The following APCDD1 variants were observed in gnomAD, a reference collection of about 807,000 sequenced individuals.
APCDD1 encodes the protein APC down-regulated 1.
APCDD1 carries 15 observed loss-of-function variants against 38.1 expected under a neutral mutation model. The observed-to-expected ratio is 0.39, with a 90% CI of 0.26 to 0.61. The LOEUF is 0.61. APCDD1 is among the 20% of genes least tolerant of loss of function. APCDD1 has a pLI of 0.49. For synonymous variants in APCDD1, 261 were observed against 279.7 expected (o/e 0.93, Z 0.67); for missense variants, 647 against 696.2 (o/e 0.93, Z 0.79).
chr18:10,482,967 G>A (rs1487251919), intron 3 of APCDD1, among the ~76,000 whole-genome samples: 1 of 152,202 alleles, frequency 6.6e-6, no homozygotes, highest in Non-Finnish European at 1.5e-5. Context: ...TGGCACATAG[G>A]GTGTCAGAAA....
chr18:10,467,043 C>T lies in APCDD1; in HGVS notation c.59-1426C>T, dbSNP rs372782486. Among the ~76,000 whole-genome samples, 13 of 152,170 alleles carry T rather than the reference C, an allele frequency of 8.5e-5. No individual in the cohort carries two copies. In the South Asian group the frequency reaches 1.0e-3, roughly 12 times the overall value. On this transcript the variant is annotated intron_variant, in intron 1 of 4. Coordinates refer to ENST00000355285, the MANE Select transcript of APCDD1 (RefSeq NM_153000.5). This position sits in a 1 kb window ranked among gnomAD's most constrained non-coding sequence, Gnocchi z 4.8. ...GAGGGAAAATCTGGGAGTTCAGATA[C>T]GGAAAATTCTGTCTTCTCAACACCA...
At position 10,454,636 on chromosome 18, in the gene APCDD1, A is replaced by C. The variant is rs2030314462; in HGVS notation, c.-346A>C. The C allele has an allele frequency of 2.8e-6, 3 of 1,068,000 alleles. No homozygotes were observed. Among genetic ancestry groups the C allele is most frequent in the Non-Finnish European group, 3.4e-6 (3 of 877,330 alleles). The allele number at this position is 1,068,000 out of a possible 1,614,324, so 66.2% of individuals were successfully genotyped here. A position where few individuals can be genotyped will look rare whatever the true frequency, so the allele number is the denominator to read the frequency against. Reference sequence around the variant, plus strand: ...CGGCCGGCGGCGCGCTGGAAATATGAAGAGACGCTGCAGCTGCGGTGGCGG... The same window carrying C: ...CGGCCGGCGGCGCGCTGGAAATATGCAGAGACGCTGCAGCTGCGGTGGCGG... On this transcript the variant is annotated 5_prime_UTR_variant, in exon 1 of 5. Transcript: ENST00000355285.
chr18:10,471,936 C>T lies in APCDD1; in HGVS notation c.649C>T (p.Gln217Ter). The T allele has an allele frequency of 6.2e-7, 1 of 1,614,112 alleles. No homozygotes were observed. Among genetic ancestry groups the T allele is most frequent in the Non-Finnish European group, 8.5e-7 (1 of 1,180,032 alleles). Residue 217 changes from glutamine (Q) to a stop codon, truncating the protein, a stop_gained, in exon 3 of 5, where the codon CAG (glutamine) becomes TAG (stop). Transcript: ENST00000355285. LOFTEE classifies it high-confidence loss of function. This position sits in a 1 kb window ranked among gnomAD's most constrained non-coding sequence, Gnocchi z 5.5. ...ACTTCAGCTCATCCGGGTGGAGAAG[C>T]AGTACCTTCACCACAACCTCGACCA... ...HELQLIRVEK[Q>*]YLHHNLDHLV...
In APCDD1 at chr18:10,488,307, G is replaced by A. The variant is rs1318199776; in HGVS notation, c.*269G>A. The A allele has an allele frequency of 4.5e-6, 2 of 447,434 alleles. No homozygotes were observed. The highest frequency in any genetic ancestry group is 7.9e-6 in the Non-Finnish European group (2 of 253,536). The allele number at this position is 447,434 out of a possible 1,614,324, so 27.7% of individuals were successfully genotyped here. On this transcript the variant is annotated 3_prime_UTR_variant, in exon 5 of 5. Coordinates refer to ENST00000355285, the MANE Select transcript of APCDD1 (RefSeq NM_153000.5). Reference sequence around the variant, plus strand: ...TAAGACAGCCTAGAGTTCTGGACGAGCGTGTTTGGTAGCAGGGATGAAAGC... The same window carrying A: ...TAAGACAGCCTAGAGTTCTGGACGAACGTGTTTGGTAGCAGGGATGAAAGC...
At chr18:10,458,376 T>A (rs879453127) in intron 1 of APCDD1, among the ~76,000 whole-genome samples, 8 of 152,368 alleles carry the variant, frequency 5.3e-5, no homozygotes, top group Non-Finnish European at 1.2e-4. Context: ...CGACATAATG[T>A]GAGGAAACGT....
chr18:10,455,086 C>T (rs773350455), intron 1 of APCDD1, 47 bp downstream of exon 1: 1 of 1,545,208 alleles, frequency 6.5e-7, no homozygotes, highest in Non-Finnish European at 8.7e-7. Flanking sequence ...GCGGAGGCAG[C>T]CCGGGCGCCG....
At position 10,460,552 on chromosome 18, in the gene APCDD1, A is replaced by G. The variant is rs185926497; in HGVS notation, c.58+5513A>G. ...TGTCTCAAAAAAAAAAAAACAAAAA[A>G]CAAACAAGCAAAAAAAACTTTATTG... On this transcript the variant is annotated intron_variant, in intron 1 of 4. Coordinates refer to ENST00000355285, the MANE Select transcript of APCDD1 (RefSeq NM_153000.5). 3.1e-3 allele frequency among the ~76,000 whole-genome samples: 466 copies of G among 151,988 alleles called. 3 individuals carry two copies. Among genetic ancestry groups the G allele is most frequent in the African/African-American group, 0.011 (438 of 41,486 alleles).
In APCDD1 at chr18:10,475,662, T is replaced by TA. The variant is rs58941388; in HGVS notation, c.774+3615dup. Among the ~76,000 whole-genome samples the TA allele has an allele frequency of 4.5e-4, 63 of 139,952 alleles. No individual in the cohort carries two copies. Among genetic ancestry groups the TA allele is most frequent in the Admixed American group, 6.4e-4 (9 of 14,032 alleles). 91.8% of individuals were successfully genotyped at this position (139,952 alleles called of 152,430 possible). A position where few individuals can be genotyped will look rare whatever the true frequency, so the allele number is the denominator to read the frequency against. ...CACAGTCATCACAGAAAATTTAGATTAAAAAAAAAAAAAAGCAAGCAAACA... is the reference window on the plus strand; with the variant it reads ...CACAGTCATCACAGAAAATTTAGATTAAAAAAAAAAAAAAAGCAAGCAAACA... On this transcript the variant is annotated intron_variant, in intron 3 of 4. Coordinates refer to ENST00000355285, the MANE Select transcript of APCDD1 (RefSeq NM_153000.5). The surrounding 1 kb of genome is among the most constrained non-coding windows in gnomAD (Gnocchi z 4.0).
At chr18:10,455,914 G>A (rs896696075) in intron 1 of APCDD1, among the ~76,000 whole-genome samples, 1 of 152,144 alleles carries the variant, frequency 6.6e-6, no homozygotes, top group Non-Finnish European at 1.5e-5. Flanking sequence ...TGGATGTCCT[G>A]AGCAAACTGT....
rs564483664 is a variant in APCDD1 at position 10,459,153 on chromosome 18, C to G, written c.58+4114C>G. On this transcript the variant is annotated intron_variant, in intron 1 of 4. Coordinates refer to ENST00000355285, the MANE Select transcript of APCDD1 (RefSeq NM_153000.5). ...CTATGTGCCAAGTGCCACCACTTGC[C>G]AGGTCCACTGGCCGAAAGGTAGCAT... 3.3e-5 allele frequency among the ~76,000 whole-genome samples: 5 copies of G among 152,328 alleles called. No homozygotes were observed. The South Asian group carries it at 1.0e-3, about 32-fold the overall frequency.
rs1483127226 is a variant in APCDD1, at chr18:10,488,954, A to AT, written c.*918dup. 6.6e-6 allele frequency: 1 copy of AT among 152,226 alleles called. No homozygotes were observed. The highest frequency in any genetic ancestry group is 1.5e-5 in the Non-Finnish European group (1 of 68,074). The allele number at this position is 152,226 out of a possible 1,614,324, so 9.4% of individuals were successfully genotyped here. A position where few individuals can be genotyped will look rare whatever the true frequency, so the allele number is the denominator to read the frequency against. On this transcript the variant is annotated 3_prime_UTR_variant, in exon 5 of 5. Transcript: ENST00000355285. Reference sequence around the variant, plus strand: ...GACCTGAGCCCTGACTCACTGTCTTATTAGGGGCAGGCGGAAGAAGCTGCA... The same window carrying AT: ...GACCTGAGCCCTGACTCACTGTCTTATTTAGGGGCAGGCGGAAGAAGCTGCA...
rs542967107 is a variant in APCDD1 at position 10,484,949 on chromosome 18, G to A, written c.775-513G>A. On this transcript the variant is annotated intron_variant, in intron 3 of 4. Coordinates refer to ENST00000355285, the MANE Select transcript of APCDD1 (RefSeq NM_153000.5). ...TGGGTACATACCCAGAAGTGAGATT[G>A]CTGGGTCATATGGTAATTCTGTTTT... Among the ~76,000 whole-genome samples, 37 of 152,318 alleles carry A rather than the reference G, an allele frequency of 2.4e-4. 2 individuals carry two copies. The highest frequency in any genetic ancestry group is 8.2e-4 in the African/African-American group (34 of 41,556).
chr18:10,466,570 T>C (rs895776780), intron 1 of APCDD1, among the ~76,000 whole-genome samples: 4 of 152,062 alleles, frequency 2.6e-5, no homozygotes, highest in African/African-American at 9.7e-5. Context: ...AAGAGAAAAA[T>C]GACTGAATCA....
rs758430408 is a variant in APCDD1, at chr18:10,454,950, G to A, written c.-32G>A. ...TTGCCCGGGCACCAAATCGGAGCGCGGCGTGCGGGAGGCCCCAGAGCAGGA... is the reference window on the plus strand; with the variant it reads ...TTGCCCGGGCACCAAATCGGAGCGCAGCGTGCGGGAGGCCCCAGAGCAGGA... On this transcript the variant is annotated 5_prime_UTR_variant, in exon 1 of 5. Transcript: ENST00000355285. 6.7e-7 allele frequency: 1 copy of A among 1,493,892 alleles called. No individual in the cohort carries two copies. Among genetic ancestry groups the A allele is most frequent in the Middle Eastern group, 2.0e-4 (1 of 5,090 alleles). The allele number at this position is 1,493,892 out of a possible 1,614,324, so 92.5% of individuals were successfully genotyped here.
rs1164710952 is a variant in APCDD1, at chr18:10,471,873, T to C, written c.586T>C (p.Cys196Arg). 1 of 1,614,222 alleles carries C rather than the reference T, an allele frequency of 6.2e-7. No homozygotes were observed. The change falls in exon 3 of 5, where the codon TGT becomes CGT. Residue 196 changes from cysteine (C) to arginine (R), a missense_variant. By Grantham distance (180) the Cys-to-Arg change is radical. Transcript: ENST00000355285. This position sits in a 1 kb window ranked among gnomAD's most constrained non-coding sequence, Gnocchi z 5.5. The part of the protein sequence containing the change: ...AYDLWREENG[C>R]ECTKAVNFAM... ...TGACCTCTGGCGAGAGGAGAACGGC[T>C]GTGAGTGCACCAAGGCCGTGAACTT... is the stretch of plus-strand genomic sequence containing the variant.
In APCDD1 at chr18:10,454,852, G is replaced by C; in HGVS notation, c.-130G>C. The C allele has an allele frequency of 2.8e-6, 3 of 1,069,348 alleles. No homozygotes were observed. The highest frequency in any genetic ancestry group is 3.4e-6 in the Non-Finnish European group (3 of 884,248). 66.2% of individuals were successfully genotyped at this position (1,069,348 alleles called of 1,614,324 possible). A position where few individuals can be genotyped will look rare whatever the true frequency, so the allele number is the denominator to read the frequency against. On this transcript the variant is annotated 5_prime_UTR_variant, in exon 1 of 5. Coordinates refer to ENST00000355285, the MANE Select transcript of APCDD1 (RefSeq NM_153000.5). ...GCCTAGCCCGCCGGGCATGGGGCGC[G>C]CGGCAGCCGCCTGAAGCCCCGGCCT...
At position 10,488,012 on chromosome 18, in the gene APCDD1, C is replaced by T. The variant is rs368135757; in HGVS notation, c.1519C>T (p.Leu507=). Residue 507 remains leucine, a synonymous_variant, in exon 5 of 5, where the codon CTG becomes TTG. Transcript: ENST00000355285. ...GGCTGCACTTGCCTGCCTTGTCCCT[C>T]TGCTGCATTGGAACATCCGCAGATA... The part of the protein sequence containing the change: ...LLAALACLVP[L]LHWNIRR 3.1e-6 allele frequency: 5 copies of T among 1,613,886 alleles called. No individual in the cohort carries two copies. Among genetic ancestry groups the T allele is most frequent in the Non-Finnish European group, 4.2e-6 (5 of 1,180,052 alleles).
At position 10,471,953 on chromosome 18, in the gene APCDD1, C is replaced by T. The variant is rs1030269928; in HGVS notation, c.666C>T (p.Asn222=). Residue 222 remains asparagine (N), a synonymous_variant, in exon 3 of 5, where the codon AAC becomes AAT. Coordinates refer to ENST00000355285, the MANE Select transcript of APCDD1 (RefSeq NM_153000.5). This position sits in a 1 kb window ranked among gnomAD's most constrained non-coding sequence, Gnocchi z 5.5. The part of the protein sequence containing the change: ...IRVEKQYLHH[N]LDHLVEELFL... ...TGGAGAAGCAGTACCTTCACCACAA[C>T]CTCGACCACCTGGTCGAGGAGCTCT... 3.7e-6 allele frequency: 6 copies of T among 1,613,988 alleles called. No individual in the cohort carries two copies. The highest frequency in any genetic ancestry group is 5.1e-6 in the Non-Finnish European group (6 of 1,180,052).
At position 10,467,361 on chromosome 18, in the gene APCDD1, T is replaced by TA. The variant is rs1162009993; in HGVS notation, c.59-1101dup. Among the ~76,000 whole-genome samples the TA allele has an allele frequency of 6.6e-6, 1 of 152,212 alleles. No homozygotes were observed. The highest frequency in any genetic ancestry group is 2.4e-5 in the African/African-American group (1 of 41,446). ...GTACATTTTATTTATTTTGTATATT[T>TA]AAAAAAAGTTTGTACAGTTGTCTAA... On this transcript the variant is annotated intron_variant, in intron 1 of 4. Coordinates refer to ENST00000355285, the MANE Select transcript of APCDD1 (RefSeq NM_153000.5). This position sits in a 1 kb window ranked among gnomAD's most constrained non-coding sequence, Gnocchi z 4.8.
Sources: allele counts gnomAD v4.1 joint callset (sites outside exome capture counted in the v4.1 genomes callset), GRCh38; gene constraint gnomAD v4.1.1; non-coding constraint Gnocchi (gnomAD v3.1); transcripts MANE v1.5; gene names NCBI Gene and HGNC (gene_info 2026-07-23, HGNC 2026-07-21).